The following KLHL5 variants were observed in gnomAD, a reference collection of about 807,000 sequenced individuals.
The protein encoded by KLHL5 is kelch like family member 5, also known as kelch-like protein 5.
In KLHL5, 48 loss-of-function variants were observed where a neutral mutation model predicts 77.7. The observed-to-expected ratio is 0.62, with a 90% CI of 0.49 to 0.79. The LOEUF (loss-of-function observed/expected upper bound fraction) is 0.79, where lower values mean the gene tolerates loss of function less well. KLHL5 is among the 30% of genes least tolerant of loss of function. The probability of loss-of-function intolerance (pLI) is 0.00; values close to 1 mark genes in which losing one functional copy is unlikely to be tolerated. For missense variants in KLHL5, 723 were observed against 859.7 expected (o/e 0.84, Z 1.99); for synonymous variants, 260 against 297.0 (o/e 0.88, Z 1.28).
chr4:39,142,308 T>C, the KLHL5 span, among the ~76,000 whole-genome samples: 1 of 151,946 alleles, frequency 6.6e-6, no homozygotes, highest in Admixed American at 6.6e-5. Flanking sequence ...GGCAAGAGAA[T>C]TGCTTGAACC....
Position 39,062,919 on chromosome 4 carries a change from A to C in KLHL5, c.267A>C (p.Glu89Asp). The C allele has an allele frequency of 6.2e-7, 1 of 1,614,152 alleles. No individual in the cohort carries two copies. Residue 89 changes from glutamate (E) to aspartate (D), a missense_variant, in exon 1 of 11, where the codon GAA becomes GAC. Transcript: ENST00000504108. ...CTTGGCCAATGGCATCCACCTCTGA[A>C]GTCCCTGCATTTGAGTTTACAGCAG... Reference protein sequence around the residue: ...SPSWPMASTSEVPAFEFTAED... With the variant: ...SPSWPMASTSDVPAFEFTAED...
At chr4:39,115,632 G>T in intron 10 of KLHL5, 1 of 1,355,014 alleles carries the variant, frequency 7.4e-7, no homozygotes, top group South Asian at 1.9e-5. Context: ...CTGCAACAAT[G>T]GGAGGGGAGA....
At chr4:39,100,929 C>A (rs1721475198) in intron 6 of KLHL5, among the ~76,000 whole-genome samples, 1 of 151,804 alleles carries the variant, frequency 6.6e-6, no homozygotes, top group Admixed American at 6.6e-5. Flanking sequence ...GACTCTTGGT[C>A]CCTTCATATA....
upstream of KLHL5, among the ~76,000 whole-genome samples, chr4:39,061,710 C>T (rs566632873): frequency 6.6e-6 from 1 of 152,282 alleles, no homozygotes; most frequent in Admixed American, 6.5e-5. Context: ...CTTTTTTGAG[C>T]CGCACTTTTC....
rs1331834151 is a variant in KLHL5, at chr4:39,081,318, AG to A, written c.703+80del. On this transcript the variant is annotated intron_variant, in intron 3 of 10. Coordinates refer to ENST00000504108, the MANE Select transcript of KLHL5 (RefSeq NM_015990.5). This position sits in a 1 kb window ranked among gnomAD's most constrained non-coding sequence, Gnocchi z 4.3. ...AGATTTCAGATTTCTGTTTTTAGAA[AG>A]CATGCCATAGCTAACAGTTAGTTCT... 2 of 1,200,644 alleles carry A rather than the reference AG, an allele frequency of 1.7e-6. No homozygotes were observed. The highest frequency in any genetic ancestry group is 2.3e-6 in the Non-Finnish European group (2 of 868,594). 74.4% of individuals were successfully genotyped at this position (1,200,644 alleles called of 1,614,324 possible).
the KLHL5 span, among the ~76,000 whole-genome samples, chr4:39,134,888 A>C: frequency 6.6e-6 from 1 of 152,186 alleles, no homozygotes; most frequent in Non-Finnish European, 1.5e-5. Context: ...GGAAGTCATA[A>C]ACCCATTATT....
chr4:39,101,859 A>ATAT (rs71304785), intron 6 of KLHL5, among the ~76,000 whole-genome samples: 20 of 104,768 alleles, frequency 1.9e-4, no homozygotes, highest in African/African-American at 6.5e-4. Flanking sequence ...AAAAAAAAAA[A>ATAT]ATATATATAT....
At chr4:39,099,190 A>T (rs2109488656) in intron 6 of KLHL5, among the ~76,000 whole-genome samples, 1 of 152,294 alleles carries the variant, frequency 6.6e-6, no homozygotes, top group Middle Eastern at 3.4e-3. Context: ...CAGGTGGCTG[A>T]GGCAGGAGAA....
At chr4:39,076,683 C>A (rs1393019262) in intron 2 of KLHL5, among the ~76,000 whole-genome samples, 1 of 149,922 alleles carries the variant, frequency 6.7e-6, no homozygotes, top group African/African-American at 2.4e-5. Flanking sequence ...AAGAATAATT[C>A]ATTTTTTTAT....
chr4:39,139,599 G>A, the KLHL5 span, among the ~76,000 whole-genome samples: 15 of 152,164 alleles, frequency 9.9e-5, no homozygotes, highest in African/African-American at 2.4e-4. Flanking sequence ...GCACTCTGGC[G>A]GGGGAGGTTG....
At chr4:39,078,084 A>G (rs1318420815) in intron 2 of KLHL5, among the ~76,000 whole-genome samples, 1 of 152,152 alleles carries the variant, frequency 6.6e-6, no homozygotes, top group African/African-American at 2.4e-5. Context: ...TGAGGATGCA[A>G]AGGCATAAGA....
upstream of KLHL5, among the ~76,000 whole-genome samples, chr4:39,060,569 T>C (rs2566127): frequency 0.75 from 114,558 of 152,120 alleles, 43,146 homozygotes; most frequent in East Asian, 0.82. Context: ...CTGAGCTAAA[T>C]CTTGAAGGAT....
At chr4:39,116,720 G>A (rs1159182117) in intron 10 of KLHL5, among the ~76,000 whole-genome samples, 1 of 152,204 alleles carries the variant, frequency 6.6e-6, no homozygotes, top group East Asian at 1.9e-4. Flanking sequence ...AGGAAGATTG[G>A]GGTCAGAATG....
chr4:39,045,251 G>A (rs1716080246), intron 1 of KLHL5, among the ~76,000 whole-genome samples: 1 of 150,462 alleles, frequency 6.6e-6, no homozygotes, highest in African/African-American at 2.4e-5. Flanking sequence ...GAGGCCCTCG[G>A]GTCCGGAGGG....
In KLHL5 at chr4:39,113,145, C is replaced by T. The variant is rs748544903; in HGVS notation, c.1814C>T (p.Thr605Met). ...AAAAGGAGAGGTGGCGTAGGAGTGA[C>T]GACCTGGAATGGACTGCTGTATGCT... ...MSKRRGGVGV[T>M]TWNGLLYAIG... The change falls in exon 9 of 11, where the codon ACG becomes ATG. Residue 605 changes from threonine to methionine, a missense_variant. Thr to Met is a moderately conservative substitution (Grantham distance 81). Coordinates refer to ENST00000504108, the MANE Select transcript of KLHL5 (RefSeq NM_015990.5). The T allele has an allele frequency of 1.9e-5, 30 of 1,614,096 alleles. 1 individual carries two copies. The highest frequency in any genetic ancestry group is 6.7e-5 in the Admixed American group (4 of 60,004).
At chr4:39,072,672 C>G (rs566888106) in intron 1 of KLHL5, among the ~76,000 whole-genome samples, 1 of 152,144 alleles carries the variant, frequency 6.6e-6, no homozygotes, top group Non-Finnish European at 1.5e-5. Context: ...CTAGAAACTT[C>G]CTAAAATGTG....
intron 6 of KLHL5, among the ~76,000 whole-genome samples, chr4:39,101,126 T>TATACATAGATATATATATATATA (rs1553892884): frequency 7.4e-6 from 1 of 134,844 alleles, no homozygotes; most frequent in African/African-American, 2.8e-5. Flanking sequence ...TATTTGGATT[T>TATACATAGATATATATATATATA]TATATATATA....
At chr4:39,057,316 C>T (rs1276989498), upstream of KLHL5, among the ~76,000 whole-genome samples, 1 of 152,100 alleles carries the variant, frequency 6.6e-6, no homozygotes, top group African/African-American at 2.4e-5. Flanking sequence ...GCATTCTGTT[C>T]TGCTTACAGA....
intron 1 of KLHL5, among the ~76,000 whole-genome samples, chr4:39,067,598 A>AGAAGAACTAG (rs1195440140): frequency 1.3e-5 from 2 of 151,802 alleles, no homozygotes; most frequent in African/African-American, 4.8e-5. Flanking sequence ...TTCTTCAGTT[A>AGAAGAACTAG]ATTCTCTTCT....
Sources: allele counts gnomAD v4.1 joint callset (sites outside exome capture counted in the v4.1 genomes callset), GRCh38; gene constraint gnomAD v4.1.1; non-coding constraint Gnocchi (gnomAD v3.1); transcripts MANE v1.5; gene names NCBI Gene and HGNC (gene_info 2026-07-23, HGNC 2026-07-21).